CC2D2B: variants seen among roughly 807,000 people sequenced by gnomAD.
CC2D2B encodes the protein protein CC2D2B.
Under a neutral mutation model 161.2 loss-of-function variants are expected in CC2D2B, and 128 were observed. That is an observed-to-expected ratio of 0.79 (90% CI 0.69 to 0.92). CC2D2B has a LOEUF of 0.92. Ranked by LOEUF, CC2D2B falls within the 40% of genes least tolerant of loss-of-function variation. The probability of loss-of-function intolerance (pLI) is 0.00; values close to 1 mark genes in which losing one functional copy is unlikely to be tolerated. For synonymous variants in CC2D2B, 391 were observed against 449.8 expected (o/e 0.87, Z 1.65); for missense variants, 1,173 against 1,375.1 (o/e 0.85, Z 2.32).
At chr10:96,003,909 G>C (rs1204930178) in intron 24 of CC2D2B, among the ~76,000 whole-genome samples, 2 of 152,138 alleles carry the variant, frequency 1.3e-5, no homozygotes, top group African/African-American at 2.4e-5. Flanking sequence ...TGTAGTGAAA[G>C]CCTTTCTGTT....
chr10:95,980,493 C>CCT (rs2077475853), intron 17 of CC2D2B, among the ~76,000 whole-genome samples: 1 of 152,004 alleles, frequency 6.6e-6, no homozygotes, highest in Non-Finnish European at 1.5e-5. Context: ...TTAAGCTTTA[C>CCT]CTGAGGCTGT....
At chr10:96,015,415 C>T (rs924124173) in intron 29 of CC2D2B, among the ~76,000 whole-genome samples, 4 of 151,670 alleles carry the variant, frequency 2.6e-5, no homozygotes, top group Non-Finnish European at 5.9e-5. Flanking sequence ...TAGTCAGCAA[C>T]AGATTGTTGC....
intron 6 of CC2D2B, among the ~76,000 whole-genome samples, chr10:95,932,732 T>G (rs539091498): frequency 6.6e-6 from 1 of 152,328 alleles, no homozygotes; most frequent in Admixed American, 6.5e-5. Flanking sequence ...GCTTGTAGGA[T>G]TTCTGCATAG....
chr10:96,021,053 CA>C (rs1215212701), intron 32 of CC2D2B: 1 of 151,972 alleles, frequency 6.6e-6, no homozygotes, highest in Non-Finnish European at 1.5e-5. Flanking sequence ...GATAAATAAA[CA>C]ACTAAAACAA....
At chr10:95,914,286 T>G (rs2098511858) in intron 2 of CC2D2B, among the ~76,000 whole-genome samples, 2 of 152,106 alleles carry the variant, frequency 1.3e-5, no homozygotes, top group South Asian at 4.1e-4. Context: ...ATAGATTTAT[T>G]TTTGGTTTCT....
At chr10:95,946,093 A>G (rs773783905) in intron 9 of CC2D2B, among the ~76,000 whole-genome samples, 1 of 152,004 alleles carries the variant, frequency 6.6e-6, no homozygotes, top group Non-Finnish European at 1.5e-5. Flanking sequence ...GGACAGTTCT[A>G]ATTGTTCTTT....
In CC2D2B at chr10:95,938,687, C is replaced by T. The variant is rs2075914521; in HGVS notation, c.654C>T (p.Arg218=). The change falls in exon 8 of 35, where the codon CGC becomes CGT. Residue 218 remains arginine, a synonymous_variant. Coordinates refer to ENST00000646931, the MANE Select transcript of CC2D2B (RefSeq NM_001349008.3). Reference sequence around the variant, plus strand: ...AGACCTGCAACAAAATGGAAAATCGCCTGCTTAAACTAGAAGAGGCAAGTG... The same window carrying T: ...AGACCTGCAACAAAATGGAAAATCGTCTGCTTAAACTAGAAGAGGCAAGTG... ...YKKTCNKMEN[R]LLKLEEGKCW... is the part of the protein sequence containing the mutation. 2.8e-6 allele frequency: 2 copies of T among 712,668 alleles called. No individual in the cohort carries two copies. Among genetic ancestry groups the T allele is most frequent in the Non-Finnish European group, 2.6e-6 (1 of 383,434 alleles). 44.1% of individuals were successfully genotyped at this position (712,668 alleles called of 1,614,324 possible). A position where few individuals can be genotyped will look rare whatever the true frequency, so the allele number is the denominator to read the frequency against.
chr10:96,001,576 AC>A (rs1470080389), intron 24 of CC2D2B, among the ~76,000 whole-genome samples: 2 of 152,066 alleles, frequency 1.3e-5, no homozygotes, highest in East Asian at 3.8e-4. Context: ...CATCCCAGCC[AC>A]CCCTTCTGAA....
intron 25 of CC2D2B, 125 bp from the exon 26 acceptor site, chr10:96,009,700 T>C: frequency 2.1e-6 from 1 of 479,250 alleles, no homozygotes. Context: ...AACAGATCTT[T>C]TCTATTTATC....
intron 34 of CC2D2B, among the ~76,000 whole-genome samples, chr10:96,029,264 ATATATATATATATATATATATG>A (rs1294267931): frequency 0.017 from 1,053 of 60,178 alleles, 4 homozygotes; most frequent in African/African-American, 0.02. Context: ...ATATATATAT[ATATATATATATATATATATATG>A]TATATATATA....
At chr10:96,010,998 C>T (rs528509478) in intron 26 of CC2D2B, among the ~76,000 whole-genome samples, 4 of 152,234 alleles carry the variant, frequency 2.6e-5, no homozygotes, top group East Asian at 1.9e-4. Flanking sequence ...ATTAATGGCA[C>T]GAAGTCACCA....
chr10:96,004,104 T>C (rs1175452244), intron 24 of CC2D2B, 48 bp from the exon 25 acceptor site: 1 of 1,085,086 alleles, frequency 9.2e-7, no homozygotes, highest in Admixed American at 2.9e-5. Context: ...AGGAAATAAG[T>C]GGATTTTGAG....
At position 96,025,208 on chromosome 10, in the gene CC2D2B, T is replaced by A. The variant is rs1476270779; in HGVS notation, c.3947+297T>A. Among the ~76,000 whole-genome samples the A allele has an allele frequency of 1.0e-4, 13 of 125,728 alleles. 1 individual carries two copies. Among genetic ancestry groups the A allele is most frequent in the African/African-American group, 2.2e-4 (7 of 31,984 alleles). 82.5% of individuals were successfully genotyped at this position (125,728 alleles called of 152,430 possible). A position where few individuals can be genotyped will look rare whatever the true frequency, so the allele number is the denominator to read the frequency against. Reference sequence around the variant, plus strand: ...ATAAAAAAAAATATATATATATATATATATATATATATAGCTGGGCATGAT... The same window carrying A: ...ATAAAAAAAAATATATATATATATAAATATATATATATAGCTGGGCATGAT... On this transcript the variant is annotated intron_variant, in intron 33 of 34. Coordinates refer to ENST00000646931, the MANE Select transcript of CC2D2B (RefSeq NM_001349008.3).
Position 96,023,208 on chromosome 10 carries a change from C to A in CC2D2B, c.3889-1645C>A, listed in dbSNP as rs151310607. 3.7e-3 allele frequency among the ~76,000 whole-genome samples: 562 copies of A among 152,342 alleles called. 1 individual carries two copies. Among genetic ancestry groups the A allele is most frequent in the South Asian group, 8.5e-3 (41 of 4,826 alleles). On this transcript the variant is annotated intron_variant, in intron 32 of 34. Coordinates refer to ENST00000646931, the MANE Select transcript of CC2D2B (RefSeq NM_001349008.3). ...ACTAAAGCCTTCTGCCAAGTTGAAT[C>A]TATAAATGTAAAACTCATAGTTGTG...
chr10:95,973,883 G>GCT, intron 16 of CC2D2B, 126 bp from the exon 17 acceptor site: 1 of 386,880 alleles, frequency 2.6e-6, no homozygotes, highest in Non-Finnish European at 4.3e-6. Context: ...AAAAAAAAGA[G>GCT]TGGGGTTAGC....
intron 10 of CC2D2B, among the ~76,000 whole-genome samples, chr10:95,953,441 A>G (rs969573703): frequency 6.6e-6 from 1 of 152,164 alleles, no homozygotes; most frequent in African/African-American, 2.4e-5. Context: ...GCCTCAAGCA[A>G]TCCTCGTACC....
In CC2D2B at chr10:95,938,125, T is replaced by C. The variant is rs1282222246; in HGVS notation, c.471T>C (p.Tyr157=). The change falls in exon 7 of 35, where the codon TAT becomes TAC. Residue 157 remains tyrosine (Y), a synonymous_variant. Coordinates refer to ENST00000646931, the MANE Select transcript of CC2D2B (RefSeq NM_001349008.3). ...TDILKVKAAD[Y]EDDQEQIKKQ... Reference sequence around the variant, plus strand: ...TACTCAAAGTAAAAGCTGCTGACTATGAAGATGATCAAGAACAAATAAAAA... The same window carrying C: ...TACTCAAAGTAAAAGCTGCTGACTACGAAGATGATCAAGAACAAATAAAAA... The C allele has an allele frequency of 8.4e-6, 13 of 1,550,204 alleles. No homozygotes were observed. Among genetic ancestry groups the C allele is most frequent in the African/African-American group, 6.8e-5 (5 of 73,000 alleles).
At chr10:96,024,761 G>A (rs946855055) in intron 32 of CC2D2B, 92 bp from the exon 33 acceptor site, 3 of 681,742 alleles carry the variant, frequency 4.4e-6, no homozygotes, top group Non-Finnish European at 5.1e-6. Context: ...AGCCTGGTTT[G>A]TCTTCCTCCT....
At chr10:95,993,942 GTATGTATGTGTATATATATATATATATA>G (rs780784069) in intron 22 of CC2D2B, among the ~76,000 whole-genome samples, 507 of 25,320 alleles carry the variant, frequency 0.02, 20 homozygotes, top group Non-Finnish European at 0.038. Flanking sequence ...GTGTGTGTGT[GTATGTATGTGTATATATATATATATATA>G]TATATATATA....
Sources: allele counts gnomAD v4.1 joint callset (sites outside exome capture counted in the v4.1 genomes callset), GRCh38; gene constraint gnomAD v4.1.1; transcripts MANE v1.5; gene names NCBI Gene and HGNC (gene_info 2026-07-23, HGNC 2026-07-21).